Variants in PCNX1 observed in about 807,000 individuals in gnomAD.
The protein encoded by PCNX1 is pecanex-like protein 1.
A neutral mutation model predicts 242.2 loss-of-function variants in PCNX1; 78 were observed. The observed-to-expected ratio is 0.32, with a 90% CI of 0.27 to 0.39. The LOEUF (loss-of-function observed/expected upper bound fraction) is 0.39. PCNX1 is among the 10% of genes least tolerant of loss of function. PCNX1 has a pLI of 1.00. For synonymous variants in PCNX1, 1,024 were observed against 1,032.9 expected, an observed-to-expected ratio of 0.99 and a Z score of 0.17; for missense variants, 2,581 against 2,856.5, an observed-to-expected ratio of 0.90 and a Z score of 2.20.
chr14:71,099,409 T>G (rs927363877), intron 30 of PCNX1, among the ~76,000 whole-genome samples: 1 of 152,196 alleles, frequency 6.6e-6, no homozygotes, highest in East Asian at 1.9e-4. Flanking sequence ...CCACCTGCCT[T>G]GGCTTCCCAA....
In PCNX1 at chr14:70,977,981, C is replaced by T. The variant is rs768918827; in HGVS notation, c.1644C>T (p.Ser548=). Residue 548 remains serine (S), a synonymous_variant, in exon 6 of 36, where the codon AGC becomes AGT. Transcript: ENST00000304743. ...GGGATGTTCGACCTAAATCTTCTAGCGTAATCCATCGGACAGCTTCTGCCC... is the reference window on the plus strand; with the variant it reads ...GGGATGTTCGACCTAAATCTTCTAGTGTAATCCATCGGACAGCTTCTGCCC... ...KEGDVRPKSS[S]VIHRTASAHK... is the part of the protein sequence containing the mutation. 6.2e-6 allele frequency: 10 copies of T among 1,614,064 alleles called. No individual in the cohort carries two copies. The highest frequency in any genetic ancestry group is 8.5e-6 in the Non-Finnish European group (10 of 1,180,012).
intron 1 of PCNX1, among the ~76,000 whole-genome samples, chr14:70,942,223 T>C (rs1303639724): frequency 6.6e-6 from 1 of 152,218 alleles, no homozygotes; most frequent in Admixed American, 6.5e-5. Flanking sequence ...CTGGGAGCTG[T>C]AGACTGGAGC....
intron 30 of PCNX1, among the ~76,000 whole-genome samples, chr14:71,095,659 A>G (rs1282696794): frequency 6.6e-6 from 1 of 152,198 alleles, no homozygotes; most frequent in East Asian, 1.9e-4. Flanking sequence ...TAATTTTGCT[A>G]TATGAATTAA....
intron 5 of PCNX1, chr14:70,970,125 C>G (rs983186094): frequency 6.6e-6 from 1 of 152,030 alleles, no homozygotes. Context: ...TTTGGGAGGC[C>G]AAGGCAGGAG....
chr14:71,062,716 T>C (rs1476136553), intron 26 of PCNX1, among the ~76,000 whole-genome samples: 2 of 152,348 alleles, frequency 1.3e-5, no homozygotes, highest in African/African-American at 4.8e-5. Context: ...GTATAGTGTT[T>C]ATAAAGTCTA....
At chr14:70,973,943 T>C (rs2058615474) in intron 5 of PCNX1, among the ~76,000 whole-genome samples, 1 of 152,122 alleles carries the variant, frequency 6.6e-6, no homozygotes, top group Non-Finnish European at 1.5e-5. Flanking sequence ...ATTACTCCAG[T>C]AAGAAACCTG....
chr14:71,004,720 AG>A (rs2059605101), intron 8 of PCNX1, among the ~76,000 whole-genome samples: 2 of 152,174 alleles, frequency 1.3e-5, no homozygotes, highest in African/African-American at 4.8e-5. Flanking sequence ...TATGATTATA[AG>A]GGGGGTGCTA....
At chr14:71,028,820 C>A in intron 16 of PCNX1, 29 bp downstream of exon 16, 1 of 1,325,946 alleles carries the variant, frequency 7.5e-7, no homozygotes, top group Non-Finnish European at 1.1e-6. Flanking sequence ...TATGTTTTGT[C>A]TTTAAGGCTA....
rs2062707220 is a variant in PCNX1 at position 71,109,372 on chromosome 14, A to G, written c.6745-80A>G. 3.1e-6 allele frequency: 4 copies of G among 1,277,338 alleles called. No homozygotes were observed. In the East Asian group the frequency reaches 7.2e-5, roughly 23 times the overall value. 79.1% of individuals were successfully genotyped at this position (1,277,338 alleles called of 1,614,324 possible). On this transcript the variant is annotated intron_variant, in intron 34 of 35. Transcript: ENST00000304743. ...ATTTAAAAAGTAATTCCTCTCTGTG[A>G]AAAGCATTTTGTTTGAGATTACATA...
At chr14:71,086,564 A>G (rs2061995447) in intron 28 of PCNX1, among the ~76,000 whole-genome samples, 1 of 152,244 alleles carries the variant, frequency 6.6e-6, no homozygotes, top group African/African-American at 2.4e-5. Flanking sequence ...CCCCATGACC[A>G]AGACAATGCC....
chr14:70,913,900 A>G (rs1365848356), intron 1 of PCNX1, among the ~76,000 whole-genome samples: 1 of 152,176 alleles, frequency 6.6e-6, no homozygotes, highest in African/African-American at 2.4e-5. Context: ...TGCATCCTTT[A>G]GGGGAAGGTT....
At chr14:70,996,932 C>T (rs976754649) in intron 8 of PCNX1, among the ~76,000 whole-genome samples, 2 of 151,990 alleles carry the variant, frequency 1.3e-5, no homozygotes, top group East Asian at 3.8e-4. Flanking sequence ...GTATTAAGTA[C>T]GTATGCATAT....
At chr14:71,070,885 G>C (rs901102333) in intron 26 of PCNX1, among the ~76,000 whole-genome samples, 3 of 152,204 alleles carry the variant, frequency 2.0e-5, no homozygotes, top group Admixed American at 6.5e-5. Flanking sequence ...AGCTGTGAAA[G>C]TCCTAGATGG....
chr14:70,983,891 A>G (rs12892739), intron 6 of PCNX1, among the ~76,000 whole-genome samples: 57,107 of 151,036 alleles, frequency 0.38, 12,087 homozygotes, highest in East Asian at 0.62. Flanking sequence ...AAACTAAGAA[A>G]GGGAAAAACT....
chr14:70,923,317 T>C (rs1334784651), intron 1 of PCNX1, among the ~76,000 whole-genome samples: 1 of 152,206 alleles, frequency 6.6e-6, no homozygotes, highest in Non-Finnish European at 1.5e-5. Context: ...ATCAAAGGTT[T>C]GTAAAAAAAT....
At chr14:71,082,557 ATT>A (rs1566786811) in intron 28 of PCNX1, among the ~76,000 whole-genome samples, 1 of 152,072 alleles carries the variant, frequency 6.6e-6, no homozygotes. Flanking sequence ...GTGTATATAT[ATT>A]TAGGATAGTT....
chr14:71,055,930 A>G (rs1050079567), intron 25 of PCNX1, among the ~76,000 whole-genome samples: 4 of 152,088 alleles, frequency 2.6e-5, no homozygotes, highest in South Asian at 2.1e-4. Flanking sequence ...CCTTCCCTCA[A>G]TGTTTTGGTC....
chr14:70,988,593 TC>T lies in PCNX1; in HGVS notation c.2339del (p.Ser780TyrfsTer35). On this transcript the variant is annotated frameshift_variant, in exon 7 of 36. Coordinates refer to ENST00000304743, the MANE Select transcript of PCNX1 (RefSeq NM_014982.3). LOFTEE classifies it high-confidence loss of function. ...GAAQASEEAV[S>X]FRRERSTFRR... is the part of the protein sequence containing the mutation. ...AGCACAAGCCAGCGAGGAGGCAGTG[TC>T]ATTTCGCCGTGAACGCAGCACATTT... The T allele has an allele frequency of 6.2e-7, 1 of 1,614,068 alleles. No individual in the cohort carries two copies. Among genetic ancestry groups the T allele is most frequent in the Non-Finnish European group, 8.5e-7 (1 of 1,179,972 alleles).
chr14:70,957,627 G>C (rs1042781288), intron 2 of PCNX1, among the ~76,000 whole-genome samples: 3 of 152,162 alleles, frequency 2.0e-5, no homozygotes, highest in Non-Finnish European at 2.9e-5. Context: ...AGGATGGAAA[G>C]GGACGGGTAG....
Sources: gnomAD v4.1 joint callset for allele counts (sites outside exome capture counted in the v4.1 genomes callset) on GRCh38, gnomAD v4.1.1 for gene constraint, MANE v1.5 for transcripts, NCBI Gene and HGNC (gene_info 2026-07-23, HGNC 2026-07-21) for gene names.